PTPRN2: variants seen among roughly 807,000 people sequenced by gnomAD.
PTPRN2 encodes the protein receptor-type tyrosine-protein phosphatase N2.
PTPRN2 carries 74 observed loss-of-function variants against 118.8 expected under a neutral mutation model. That is an observed-to-expected ratio of 0.62 (90% confidence interval 0.52 to 0.76). The LOEUF (loss-of-function observed/expected upper bound fraction) is 0.76. Among genes scored for constraint, PTPRN2 ranks in the 30% least tolerant of loss-of-function variants. The pLI is 0.00. For missense variants in PTPRN2, 1,481 were observed against 1,394.4 expected, an observed-to-expected ratio of 1.06 and a Z score of -0.99; for synonymous variants, 641 against 608.0, an observed-to-expected ratio of 1.05 and a Z score of -0.80.
chr7:157,664,635 T>G (rs1257826004), intron 13 of PTPRN2, among the ~76,000 whole-genome samples: 1 of 151,926 alleles, frequency 6.6e-6, no homozygotes, highest in East Asian at 1.9e-4. Context: ...GGCGTGCACC[T>G]GTACTCCCAG....
chr7:158,083,321 T>C (rs956022927), intron 10 of PTPRN2, among the ~76,000 whole-genome samples: 1 of 151,988 alleles, frequency 6.6e-6, no homozygotes, highest in African/African-American at 2.4e-5. Context: ...TAAGAGAAAG[T>C]CCTCATTAAC....
chr7:158,328,336 G>A (rs1034710109), intron 2 of PTPRN2, among the ~76,000 whole-genome samples: 3 of 152,234 alleles, frequency 2.0e-5, no homozygotes, highest in African/African-American at 4.8e-5. Flanking sequence ...CAGGACTGCT[G>A]TGAAGTCTGA....
intron 12 of PTPRN2, among the ~76,000 whole-genome samples, chr7:157,752,609 C>CT (rs1801546758): frequency 6.6e-6 from 1 of 152,270 alleles, no homozygotes; most frequent in Non-Finnish European, 1.5e-5. Flanking sequence ...ATCTGATCCT[C>CT]TCCCCAGCCA....
intron 12 of PTPRN2, among the ~76,000 whole-genome samples, chr7:157,751,165 A>T (rs1801441600): frequency 6.6e-6 from 1 of 152,134 alleles, no homozygotes; most frequent in Non-Finnish European, 1.5e-5. Context: ...CAAGGGATTG[A>T]TTTCTTTCTC....
intron 3 of PTPRN2, among the ~76,000 whole-genome samples, chr7:158,300,161 C>A (rs1032298868): frequency 6.6e-6 from 1 of 152,134 alleles, no homozygotes; most frequent in African/African-American, 2.4e-5. Context: ...AATGAAGAAG[C>A]AAAGTTTCTT....
rs1298582818 is a variant in PTPRN2 at position 158,525,163 on chromosome 7, G to A, written c.113-35378C>T. On this transcript the variant is annotated intron_variant, in intron 1 of 22. Coordinates refer to ENST00000389418, the MANE Select transcript of PTPRN2 (RefSeq NM_002847.5). This position sits in a 1 kb window ranked among gnomAD's most constrained non-coding sequence, Gnocchi z 4.1. ...ACAGTGCTGGACTTCCCAGCTCCAG[G>A]CTCTGGAGCCGGCTGCAGAGCACAG... is the stretch of plus-strand genomic sequence containing the variant. 6.6e-6 allele frequency among the ~76,000 whole-genome samples: 1 copy of A among 152,156 alleles called. No homozygotes were observed. The highest frequency in any genetic ancestry group is 1.5e-5 in the Non-Finnish European group (1 of 68,026).
chr7:157,787,977 G>C lies in PTPRN2; in HGVS notation c.1789-105040C>G, dbSNP rs145449371. Among the ~76,000 whole-genome samples, 13 of 152,154 alleles carry C rather than the reference G, an allele frequency of 8.5e-5. No individual in the cohort carries two copies. The highest frequency in any genetic ancestry group is 3.1e-4 in the African/African-American group (13 of 41,440). ...CAGCACCGGGTCCCCTGGGAACCAC[G>C]CAGCCGGGGCCTGGAGGCCGACACA... On this transcript the variant is annotated intron_variant, in intron 12 of 22. Transcript: ENST00000389418. This position sits in a 1 kb window ranked among gnomAD's most constrained non-coding sequence, Gnocchi z 5.3.
At chr7:157,864,847 C>T (rs1810520140) in intron 12 of PTPRN2, 2 of 152,222 alleles carry the variant, frequency 1.3e-5, no homozygotes, top group Admixed American at 1.3e-4. Context: ...AGGTGACAGC[C>T]CCTCCTCTGT....
rs549555263 is a variant in PTPRN2, at chr7:158,518,710, C to T, written c.113-28925G>A. Among the ~76,000 whole-genome samples the T allele has an allele frequency of 6.6e-5, 10 of 152,234 alleles. No individual in the cohort carries two copies. The South Asian group carries it at 1.7e-3, about 25-fold the overall frequency. ...ATTAAAAATGTTACTTGAGGCCAGG[C>T]GCGGTGGTTCATGCCTGTAATCCCA... On this transcript the variant is annotated intron_variant, in intron 1 of 22. Coordinates refer to ENST00000389418, the MANE Select transcript of PTPRN2 (RefSeq NM_002847.5).
At chr7:158,313,438 G>C (rs1017107129) in intron 3 of PTPRN2, among the ~76,000 whole-genome samples, 2 of 152,204 alleles carry the variant, frequency 1.3e-5, no homozygotes, top group African/African-American at 2.4e-5. Context: ...CAGTCCCTGG[G>C]GATGGAGCTG....
chr7:157,806,475 TG>T (rs1805639137), intron 12 of PTPRN2, among the ~76,000 whole-genome samples: 1 of 152,226 alleles, frequency 6.6e-6, no homozygotes, highest in Middle Eastern at 3.2e-3. Context: ...TATAGATGTC[TG>T]GTATATATGT....
At position 157,827,759 on chromosome 7, in the gene PTPRN2, G is replaced by A. The variant is rs961665068; in HGVS notation, c.1788+70914C>T. Reference sequence around the variant, plus strand: ...TGTCTCCACTACGACTCACCGTGCCGGGGTGGATGTGGCCCCTGAGCTGCC... The same window carrying A: ...TGTCTCCACTACGACTCACCGTGCCAGGGTGGATGTGGCCCCTGAGCTGCC... On this transcript the variant is annotated intron_variant, in intron 12 of 22. Transcript: ENST00000389418. Among the ~76,000 whole-genome samples, 11 of 152,236 alleles carry A rather than the reference G, an allele frequency of 7.2e-5. No homozygotes were observed. In the East Asian group the frequency reaches 1.2e-3, roughly 16 times the overall value.
In PTPRN2 at chr7:157,880,625, C is replaced by T. The variant is rs145262168; in HGVS notation, c.1788+18048G>A. 3.3e-3 allele frequency among the ~76,000 whole-genome samples: 503 copies of T among 152,306 alleles called. 13 individuals are homozygous for T. The highest frequency in any genetic ancestry group is 0.023 in the Admixed American group (345 of 15,294). ...GGCAGGCCATCTCCACGCTGAGCATCGTTGACGGTGACACATTTGTACCAT... is the reference window on the plus strand; with the variant it reads ...GGCAGGCCATCTCCACGCTGAGCATTGTTGACGGTGACACATTTGTACCAT... On this transcript the variant is annotated intron_variant, in intron 12 of 22. Transcript: ENST00000389418.
intron 1 of PTPRN2, among the ~76,000 whole-genome samples, chr7:158,519,493 G>A (rs964779850): frequency 4.6e-5 from 7 of 152,200 alleles, no homozygotes; most frequent in African/African-American, 1.7e-4. Flanking sequence ...GGACCAAGCT[G>A]TGTTTGAGCC....
In PTPRN2 at chr7:157,622,759, C is replaced by T. The variant is rs1260717011; in HGVS notation, c.2197-1250G>A. 1.3e-5 allele frequency among the ~76,000 whole-genome samples: 2 copies of T among 152,172 alleles called. No homozygotes were observed. The highest frequency in any genetic ancestry group is 6.5e-5 in the Admixed American group (1 of 15,288). ...TGGCTCAGGGTGGGCACTCTAAGGC[C>T]GTCTGTTGGGAGGTCCCAGGTTGTC... is the stretch of plus-strand genomic sequence containing the variant. On this transcript the variant is annotated intron_variant, in intron 14 of 22. Transcript: ENST00000389418. The surrounding 1 kb of genome is among the most constrained non-coding windows in gnomAD (Gnocchi z 5.3).
intron 3 of PTPRN2, among the ~76,000 whole-genome samples, chr7:158,276,485 G>A (rs376889352): frequency 2.3e-5 from 3 of 130,878 alleles, no homozygotes; most frequent in African/African-American, 6.1e-5. Context: ...CCCACACCCC[G>A]GCCCCGACAG....
At chr7:158,357,901 C>G (rs1808519080) in intron 2 of PTPRN2, among the ~76,000 whole-genome samples, 1 of 152,242 alleles carries the variant, frequency 6.6e-6, no homozygotes, top group Non-Finnish European at 1.5e-5. Context: ...GGGCCCCGGC[C>G]AAGCCAAGGG....
intron 11 of PTPRN2, among the ~76,000 whole-genome samples, chr7:158,071,949 GGAGGTGCTCGTCGTATGGAGGTGCCC>G: frequency 4.6e-5 from 1 of 21,564 alleles, no homozygotes; most frequent in Admixed American, 4.8e-4. Flanking sequence ...TGCTCCTGGT[GGAGGTGCTCGTCGTATGGAGGTGCCC>G]GTGGTGGAGG....
intron 9 of PTPRN2, among the ~76,000 whole-genome samples, chr7:158,115,150 C>T (rs1816629342): frequency 6.6e-6 from 1 of 152,074 alleles, no homozygotes; most frequent in South Asian, 2.1e-4. Flanking sequence ...TGCATCCCAG[C>T]CTGGGTGAAA....
Sources: allele counts gnomAD v4.1 joint callset (sites outside exome capture counted in the v4.1 genomes callset), GRCh38; gene constraint gnomAD v4.1.1; non-coding constraint Gnocchi (gnomAD v3.1); transcripts MANE v1.5; gene names NCBI Gene and HGNC (gene_info 2026-07-23, HGNC 2026-07-21).